Variants in UBXN7 observed in about 807,000 individuals in gnomAD.
UBXN7 encodes the protein UBX domain protein 7.
UBXN7 carries 9 observed loss-of-function variants against 58.0 expected under a neutral mutation model. The ratio of observed to expected loss-of-function variants is 0.16; its 90% confidence interval spans 0.09 to 0.27. UBXN7 has a LOEUF of 0.27. UBXN7 is among the 10% of genes least tolerant of loss of function. UBXN7 has a pLI of 1.00. For synonymous variants in UBXN7, 208 were observed against 205.0 expected, an observed-to-expected ratio of 1.01 and a Z score of -0.12; for missense variants, 328 against 599.6, an observed-to-expected ratio of 0.55 and a Z score of 4.73.
At chr3:196,414,235 T>A (rs931335473) in intron 1 of UBXN7, among the ~76,000 whole-genome samples, 1 of 152,200 alleles carries the variant, frequency 6.6e-6, no homozygotes, top group Non-Finnish European at 1.5e-5. Context: ...TCCGCCTGCC[T>A]TGGCCTCCCA....
chr3:196,426,255 G>A (rs528146909), intron 1 of UBXN7, among the ~76,000 whole-genome samples: 7 of 151,858 alleles, frequency 4.6e-5, no homozygotes, highest in Non-Finnish European at 7.4e-5. Context: ...GTGTCGTGAC[G>A]CGCATCTGTG....
intron 1 of UBXN7, among the ~76,000 whole-genome samples, chr3:196,428,057 G>C (rs1293581877): frequency 6.6e-6 from 1 of 152,196 alleles, no homozygotes; most frequent in Non-Finnish European, 1.5e-5. Flanking sequence ...CCAGGAGGCG[G>C]AGACAGCAGT....
At chr3:196,384,046 C>A (rs145194055) in intron 5 of UBXN7, among the ~76,000 whole-genome samples, 19,146 of 151,986 alleles carry the variant, frequency 0.13, 1,467 homozygotes, top group South Asian at 0.2. Flanking sequence ...AATTGATAGA[C>A]CACTAGCAAG....
intron 3 of UBXN7, among the ~76,000 whole-genome samples, chr3:196,401,922 G>A (rs952460119): frequency 1.3e-5 from 2 of 150,072 alleles, no homozygotes; most frequent in South Asian, 2.1e-4. Context: ...CCAAACCCAC[G>A]CAACATGCAA....
At chr3:196,420,926 A>C (rs915667129) in intron 1 of UBXN7, among the ~76,000 whole-genome samples, 4 of 152,220 alleles carry the variant, frequency 2.6e-5, no homozygotes, top group African/African-American at 9.6e-5. Flanking sequence ...TTTTAAAAAC[A>C]ATCATCATCA....
chr3:196,372,450 T>C (rs960602629), intron 5 of UBXN7, among the ~76,000 whole-genome samples: 1 of 151,450 alleles, frequency 6.6e-6, no homozygotes, highest in Non-Finnish European at 1.5e-5. Context: ...CAAGTGATTC[T>C]CCCGCCGCAG....
intron 1 of UBXN7, among the ~76,000 whole-genome samples, chr3:196,424,248 T>C (rs1003172484): frequency 4.6e-5 from 7 of 151,978 alleles, no homozygotes; most frequent in Non-Finnish European, 1.0e-4. Flanking sequence ...CATCTTTGGT[T>C]TTTCCTGAGT....
chr3:196,360,039 G>A (rs1728463821), intron 10 of UBXN7, among the ~76,000 whole-genome samples: 1 of 152,150 alleles, frequency 6.6e-6, no homozygotes, highest in South Asian at 2.1e-4. Context: ...CCAAAACAAG[G>A]TTCTAACTCT....
chr3:196,428,446 G>A (rs916975582), intron 1 of UBXN7, among the ~76,000 whole-genome samples: 30 of 51,946 alleles, frequency 5.8e-4, no homozygotes, highest in African/African-American at 3.7e-3. Flanking sequence ...GAACAAGACC[G>A]TCTTTAAAAA....
Position 196,364,543 on chromosome 3 carries a change from C to T in UBXN7, c.835-1856G>A, listed in dbSNP as rs1728601985. Among the ~76,000 whole-genome samples the T allele has an allele frequency of 1.3e-5, 2 of 151,706 alleles. 1 individual carries two copies. The highest frequency in any genetic ancestry group is 4.2e-4 in the South Asian group (2 of 4,802). On this transcript the variant is annotated intron_variant, in intron 8 of 10. Coordinates refer to ENST00000296328, the MANE Select transcript of UBXN7 (RefSeq NM_015562.2). ...TTAGCTAACAAAGAGGCTCAATAAA[C>T]TACTTCAACTTTTGAATATGCTTAA... is the stretch of plus-strand genomic sequence containing the variant.
chr3:196,430,225 G>C (rs1730983361), intron 1 of UBXN7, among the ~76,000 whole-genome samples: 1 of 151,856 alleles, frequency 6.6e-6, no homozygotes, highest in African/African-American at 2.4e-5. Flanking sequence ...CCTGGTGACA[G>C]GCGCTTGTAG....
Position 196,351,942 on chromosome 3 carries a change from C to T in UBXN7, c.*4743G>A, listed in dbSNP as rs1577425036. 1.3e-5 allele frequency: 2 copies of T among 152,170 alleles called. No individual in the cohort carries two copies. Among genetic ancestry groups the T allele is most frequent in the African/African-American group, 2.4e-5 (1 of 41,434 alleles). The allele number at this position is 152,170 out of a possible 1,614,324, so 9.4% of individuals were successfully genotyped here. On this transcript the variant is annotated 3_prime_UTR_variant, in exon 11 of 11. Transcript: ENST00000296328. Reference sequence around the variant, plus strand: ...TCCGGGGGATCAATAGTGAGATCCCCGCAAGCTAGGAATCTTTACTCCAGG... The same window carrying T: ...TCCGGGGGATCAATAGTGAGATCCCTGCAAGCTAGGAATCTTTACTCCAGG...
chr3:196,403,359 G>A lies in UBXN7; in HGVS notation c.222-340C>T, dbSNP rs896708501. Among the ~76,000 whole-genome samples, 15 of 152,020 alleles carry A rather than the reference G, an allele frequency of 9.9e-5. No individual in the cohort carries two copies. In the East Asian group the frequency reaches 1.7e-3, roughly 18 times the overall value. On this transcript the variant is annotated intron_variant, in intron 2 of 10. Coordinates refer to ENST00000296328, the MANE Select transcript of UBXN7 (RefSeq NM_015562.2). Reference sequence around the variant, plus strand: ...ATATTTTTAGTAGTGACAGGGTCGCGCCATGTTGGCCAGGCTGGTCTCAAA... The same window carrying A: ...ATATTTTTAGTAGTGACAGGGTCGCACCATGTTGGCCAGGCTGGTCTCAAA...
At chr3:196,372,991 C>T (rs972886864) in intron 5 of UBXN7, among the ~76,000 whole-genome samples, 11 of 152,144 alleles carry the variant, frequency 7.2e-5, no homozygotes, top group South Asian at 2.1e-4. Context: ...CCTCAGGTGA[C>T]GCACCCATCT....
chr3:196,401,376 G>T (rs7624107), intron 3 of UBXN7, among the ~76,000 whole-genome samples: 7 of 139,006 alleles, frequency 5.0e-5, no homozygotes, highest in Non-Finnish European at 9.2e-5. Context: ...TAAATAAAAA[G>T]GTTTATCTCA....
chr3:196,392,183 T>C (rs1196965431), intron 4 of UBXN7, among the ~76,000 whole-genome samples: 1 of 152,002 alleles, frequency 6.6e-6, no homozygotes, highest in South Asian at 2.1e-4. Context: ...CAAAGTAACC[T>C]CTTCACATAT....
chr3:196,432,382 GC>G lies in UBXN7; in HGVS notation c.17del (p.Gly6AlafsTer8). On this transcript the variant is annotated frameshift_variant, in exon 1 of 11. Transcript: ENST00000296328. LOFTEE classifies it high-confidence loss of function. MAAHG[G>X]SAASSALKGL... ...CCTTCAGCGCCGAGGACGCCGCGGAGCCCCCGTGGGCAGCCATCTTACCGCC... is the reference window on the plus strand; with the variant it reads ...CCTTCAGCGCCGAGGACGCCGCGGAGCCCCGTGGGCAGCCATCTTACCGCC... 1.9e-6 allele frequency: 3 copies of G among 1,593,728 alleles called. No individual in the cohort carries two copies. Among genetic ancestry groups the G allele is most frequent in the Non-Finnish European group, 2.6e-6 (3 of 1,166,060 alleles).
In UBXN7 at chr3:196,402,809, C is replaced by A. The variant is rs938971048; in HGVS notation, c.289+143G>T. 5 of 943,384 alleles carry A rather than the reference C, an allele frequency of 5.3e-6. No individual in the cohort carries two copies. The Admixed American group carries it at 1.4e-4, about 27-fold the overall frequency. 58.4% of individuals were successfully genotyped at this position (943,384 alleles called of 1,614,324 possible). A position where few individuals can be genotyped will look rare whatever the true frequency, so the allele number is the denominator to read the frequency against. On this transcript the variant is annotated intron_variant, in intron 3 of 10. Coordinates refer to ENST00000296328, the MANE Select transcript of UBXN7 (RefSeq NM_015562.2). ...CACTCTTTGTGAGTCAACTGTGCAA[C>A]TTTCTTGACAGGACTATAGAAAAAA...
Position 196,419,321 on chromosome 3 carries a change from T to TAAATAAATAAATAAAC in UBXN7, c.74-11929_74-11928insGTTTATTTATTTATTT, listed in dbSNP as rs139881636. ...ATAAATAAATAAATAAATAAATAAA[T>TAAATAAATAAATAAAC]AAACAATGTGACAGGATGACTTCCA... is the stretch of plus-strand genomic sequence containing the variant. On this transcript the variant is annotated intron_variant, in intron 1 of 10. Coordinates refer to ENST00000296328, the MANE Select transcript of UBXN7 (RefSeq NM_015562.2). 5.5e-3 allele frequency among the ~76,000 whole-genome samples: 830 copies of TAAATAAATAAATAAAC among 150,308 alleles called. 4 individuals carry two copies. Among genetic ancestry groups the TAAATAAATAAATAAAC allele is most frequent in the Non-Finnish European group, 8.5e-3 (573 of 67,770 alleles).
Sources: gnomAD v4.1 joint callset for allele counts (sites outside exome capture counted in the v4.1 genomes callset) on GRCh38, gnomAD v4.1.1 for gene constraint, MANE v1.5 for transcripts, NCBI Gene and HGNC (gene_info 2026-07-23, HGNC 2026-07-21) for gene names.